COL23A1: variants seen among roughly 807,000 people sequenced by gnomAD.
COL23A1 encodes the protein collagen alpha-1(XXIII) chain.
COL23A1 carries 97 observed loss-of-function variants against 99.3 expected under a neutral mutation model. The ratio of observed to expected loss-of-function variants is 0.98; its 90% CI spans 0.83 to 1.16. COL23A1 has a LOEUF of 1.16. COL23A1 is among the 50% of genes most tolerant of loss of function. The pLI is 0.00. For synonymous variants in COL23A1, 320 were observed against 308.2 expected (o/e 1.04, Z -0.40); for missense variants, 762 against 757.4 (o/e 1.01, Z -0.07).
intron 3 of COL23A1, among the ~76,000 whole-genome samples, chr5:178,303,062 G>A (rs1780831021): frequency 6.6e-6 from 1 of 152,218 alleles, no homozygotes; most frequent in Admixed American, 6.5e-5. Flanking sequence ...GTGCAGTGGT[G>A]CAGTCTCAGC....
At chr5:178,571,878 G>A (rs548104393) in intron 1 of COL23A1, among the ~76,000 whole-genome samples, 313 of 152,208 alleles carry the variant, frequency 2.1e-3, no homozygotes, top group African/African-American at 7.4e-3. Context: ...GACCATCCTG[G>A]CTAACACGGT....
intron 2 of COL23A1, among the ~76,000 whole-genome samples, chr5:178,498,130 G>A (rs1006725996): frequency 5.4e-5 from 8 of 146,974 alleles, no homozygotes; most frequent in African/African-American, 1.7e-4. Context: ...AGTTTGGGAG[G>A]CCAAGGTGAG....
At chr5:178,538,495 C>T (rs1002747631) in intron 2 of COL23A1, among the ~76,000 whole-genome samples, 2 of 152,200 alleles carry the variant, frequency 1.3e-5, no homozygotes, top group Non-Finnish European at 2.9e-5. Flanking sequence ...TCCACACATT[C>T]TCCATTTCTA....
intron 2 of COL23A1, among the ~76,000 whole-genome samples, chr5:178,368,915 C>T (rs946541659): frequency 6.6e-6 from 1 of 152,268 alleles, no homozygotes; most frequent in Non-Finnish European, 1.5e-5. Flanking sequence ...CCGAGGGCTG[C>T]TCCTCATGGC....
chr5:178,429,723 A>ATCT (rs34544620), intron 2 of COL23A1, among the ~76,000 whole-genome samples: 16,453 of 151,956 alleles, frequency 0.11, 2,027 homozygotes, highest in East Asian at 0.55. Flanking sequence ...CGCCAGAGGG[A>ATCT]TCTGAGCACA....
At chr5:178,579,233 A>C (rs996952211) in intron 1 of COL23A1, among the ~76,000 whole-genome samples, 15 of 151,622 alleles carry the variant, frequency 9.9e-5, no homozygotes, top group African/African-American at 3.6e-4. Flanking sequence ...CAAAGAAAAA[A>C]CTCTAATACC....
At chr5:178,285,809 C>A (rs898326577) in intron 5 of COL23A1, among the ~76,000 whole-genome samples, 1 of 152,248 alleles carries the variant, frequency 6.6e-6, no homozygotes, top group Non-Finnish European at 1.5e-5. Context: ...TGCAAATATA[C>A]CCCAGGCTGA....
At chr5:178,565,511 C>T (rs1329562849) in intron 1 of COL23A1, among the ~76,000 whole-genome samples, 1 of 152,162 alleles carries the variant, frequency 6.6e-6, no homozygotes, top group Non-Finnish European at 1.5e-5. Context: ...GACTCCTTTT[C>T]CTGACCCCTT....
rs1554159451 is a variant in COL23A1 at position 178,403,117 on chromosome 5, A to AAAAAT, written c.362-96199_362-96198insATTTT. ...GAGAGAGACTCCATCTCAAAAAAAA[A>AAAAAT]AAAAATAAATAAATAAAAAATAAAT... is the stretch of plus-strand genomic sequence containing the variant. On this transcript the variant is annotated intron_variant, in intron 2 of 28. Transcript: ENST00000390654. 3.6e-5 allele frequency among the ~76,000 whole-genome samples: 5 copies of AAAAAT among 139,674 alleles called. 1 individual carries two copies. The highest frequency in any genetic ancestry group is 1.4e-4 in the African/African-American group (5 of 35,170). The allele number at this position is 139,674 out of a possible 152,430, so 91.6% of individuals were successfully genotyped here.
At chr5:178,503,095 A>G (rs1270977055) in intron 2 of COL23A1, among the ~76,000 whole-genome samples, 3 of 152,230 alleles carry the variant, frequency 2.0e-5, no homozygotes, top group Non-Finnish European at 4.4e-5. Context: ...AAAAACGTCA[A>G]TGCTGGCCAG....
intron 1 of COL23A1, among the ~76,000 whole-genome samples, chr5:178,573,781 T>C (rs560497754): frequency 4.1e-4 from 63 of 152,116 alleles, no homozygotes; most frequent in African/African-American, 1.4e-3. Context: ...TACGTGCAAA[T>C]ACATGAATAA....
chr5:178,481,685 C>T lies in COL23A1; in HGVS notation c.361+78997G>A, dbSNP rs566849469. On this transcript the variant is annotated intron_variant, in intron 2 of 28. Coordinates refer to ENST00000390654, the MANE Select transcript of COL23A1 (RefSeq NM_173465.4). ...AAAACCACAAGATACCACTTCATAC[C>T]CATTAGTATAGCTATGATTAAAAAG... Among the ~76,000 whole-genome samples the T allele has an allele frequency of 1.5e-4, 23 of 151,960 alleles. 1 individual carries two copies. The South Asian group carries it at 4.8e-3, about 32-fold the overall frequency.
intron 2 of COL23A1, among the ~76,000 whole-genome samples, chr5:178,393,686 GT>G (rs1198332547): frequency 1.4e-5 from 2 of 145,368 alleles, no homozygotes; most frequent in African/African-American, 5.2e-5. Context: ...GTCTTGCTGT[GT>G]CACCCAGGCG....
intron 1 of COL23A1, among the ~76,000 whole-genome samples, chr5:178,576,527 G>A (rs1372439606): frequency 2.6e-5 from 4 of 152,104 alleles, no homozygotes; most frequent in Non-Finnish European, 5.9e-5. Flanking sequence ...GCCACCCACC[G>A]AGCCCGTCCT....
In COL23A1 at chr5:178,262,343, T is replaced by C. The variant is rs1475975767; in HGVS notation, c.640-91A>G. ...CAGGCCAGACCCCGGGCTGGGGCTC[T>C]AAGTACATTATCTTATCTCATTCTC... On this transcript the variant is annotated intron_variant, in intron 9 of 28. Coordinates refer to ENST00000390654, the MANE Select transcript of COL23A1 (RefSeq NM_173465.4). 1.2e-5 allele frequency: 15 copies of C among 1,220,838 alleles called. No homozygotes were observed. The Middle Eastern group carries it at 1.1e-3, about 93-fold the overall frequency. 75.6% of individuals were successfully genotyped at this position (1,220,838 alleles called of 1,614,324 possible). A position where few individuals can be genotyped will look rare whatever the true frequency, so the allele number is the denominator to read the frequency against.
chr5:178,293,444 G>A (rs767253379), intron 3 of COL23A1, among the ~76,000 whole-genome samples: 16 of 152,176 alleles, frequency 1.1e-4, no homozygotes, highest in East Asian at 1.9e-4. Context: ...AGCAGGAAGC[G>A]AGGCCGTCAG....
At chr5:178,300,211 G>C (rs1426934754) in intron 3 of COL23A1, among the ~76,000 whole-genome samples, 1 of 151,460 alleles carries the variant, frequency 6.6e-6, no homozygotes, top group Non-Finnish European at 1.5e-5. Flanking sequence ...GATTACAGGC[G>C]TGTGCATGCC....
At chr5:178,475,818 T>G (rs758491372) in intron 2 of COL23A1, among the ~76,000 whole-genome samples, 1 of 152,178 alleles carries the variant, frequency 6.6e-6, no homozygotes, top group Non-Finnish European at 1.5e-5. Context: ...CCCCTTTTCT[T>G]GCTTGTTGGC....
rs1246755263 is a variant in COL23A1 at position 178,342,827 on chromosome 5, C to T, written c.362-35908G>A. 3.3e-5 allele frequency among the ~76,000 whole-genome samples: 5 copies of T among 151,958 alleles called. No homozygotes were observed. In the South Asian group the frequency reaches 1.0e-3, roughly 32 times the overall value. On this transcript the variant is annotated intron_variant, in intron 2 of 28. Transcript: ENST00000390654. ...CAAACAGAAAAAGCCCATAGAATTC[C>T]AAATAGAAGTAAGAGAAAATCTATA...
Sources: gnomAD v4.1 joint callset for allele counts (sites outside exome capture counted in the v4.1 genomes callset) on GRCh38, gnomAD v4.1.1 for gene constraint, MANE v1.5 for transcripts, NCBI Gene and HGNC (gene_info 2026-07-23, HGNC 2026-07-21) for gene names.